ADAM10: variants seen among roughly 807,000 people sequenced by gnomAD.
ADAM10 encodes the protein disintegrin and metalloproteinase domain-containing protein 10.
In ADAM10, 17 loss-of-function variants were observed where a neutral mutation model predicts 90.1. The ratio of observed to expected loss-of-function variants is 0.19; its 90% CI spans 0.13 to 0.28. The LOEUF is 0.28. Ranked by LOEUF, ADAM10 falls within the 10% of genes least tolerant of loss-of-function variation. The probability of loss-of-function intolerance (pLI) is 1.00; values close to 1 mark genes in which losing one functional copy is unlikely to be tolerated. For missense variants in ADAM10, 610 were observed against 914.3 expected (o/e 0.67, Z 4.29); for synonymous variants, 310 against 298.6 (o/e 1.04, Z -0.40).
intron 14 of ADAM10, among the ~76,000 whole-genome samples, chr15:58,605,583 C>G (rs1464313142): frequency 1.3e-5 from 2 of 152,114 alleles, no homozygotes; most frequent in African/African-American, 4.8e-5. Flanking sequence ...GAAAAGATCA[C>G]AAATTGCCCA....
chr15:58,745,569 T>C (rs1047022980), intron 1 of ADAM10, among the ~76,000 whole-genome samples: 36 of 152,192 alleles, frequency 2.4e-4, no homozygotes, highest in African/African-American at 8.0e-4. Flanking sequence ...GTATTGTGTA[T>C]ACCATGTTCT....
intron 13 of ADAM10, 168 bp downstream of exon 13, chr15:58,610,831 C>A (rs1895418365): frequency 3.0e-6 from 2 of 668,118 alleles, no homozygotes; most frequent in Admixed American, 5.0e-5. Context: ...TTGTAGAGAC[C>A]ATAATAATAG....
chr15:58,614,086 T>C (rs1305301140), intron 11 of ADAM10, among the ~76,000 whole-genome samples: 2 of 152,084 alleles, frequency 1.3e-5, no homozygotes, highest in African/African-American at 4.8e-5. Context: ...AGCAGGTGGA[T>C]CACTTGTCAG....
chr15:58,698,928 C>T (rs1295059838), intron 2 of ADAM10, among the ~76,000 whole-genome samples: 2 of 152,088 alleles, frequency 1.3e-5, no homozygotes, highest in African/African-American at 4.8e-5. Context: ...TTTTGACACC[C>T]AGATATAGGA....
chr15:58,722,606 T>C (rs1702157758), intron 1 of ADAM10, among the ~76,000 whole-genome samples: 1 of 151,136 alleles, frequency 6.6e-6, no homozygotes, highest in South Asian at 2.1e-4. Flanking sequence ...TGCTCATGAG[T>C]GTCAGTTCCC....
chr15:58,659,481 C>A (rs979456386), intron 5 of ADAM10, among the ~76,000 whole-genome samples: 1 of 152,032 alleles, frequency 6.6e-6, no homozygotes, highest in African/African-American at 2.4e-5. Flanking sequence ...AGAGGGGTTT[C>A]ATCCTTTATT....
chr15:58,623,410 G>T (rs1895846532), intron 10 of ADAM10, among the ~76,000 whole-genome samples: 1 of 152,174 alleles, frequency 6.6e-6, no homozygotes, highest in Admixed American at 6.5e-5. Flanking sequence ...TGGCCTAGAT[G>T]AAAGCAGAAA....
At chr15:58,599,018 G>C (rs535679232) in intron 15 of ADAM10, among the ~76,000 whole-genome samples, 1 of 152,188 alleles carries the variant, frequency 6.6e-6, no homozygotes, top group African/African-American at 2.4e-5. Context: ...TATTTCAAGA[G>C]CACAAACACT....
At chr15:58,664,125 T>G (rs1897026592) in intron 5 of ADAM10, among the ~76,000 whole-genome samples, 1 of 152,048 alleles carries the variant, frequency 6.6e-6, no homozygotes, top group African/African-American at 2.4e-5. Flanking sequence ...TCCTCCTGCT[T>G]GGAATAGTCT....
At position 58,593,923 on chromosome 15, in the gene ADAM10, A is replaced by C. The variant is rs1324346528; in HGVS notation, c.*3624T>G. The C allele has an allele frequency of 6.6e-6, 1 of 152,246 alleles. No homozygotes were observed. The highest frequency in any genetic ancestry group is 1.9e-4 in the East Asian group (1 of 5,206). 9.4% of individuals were successfully genotyped at this position (152,246 alleles called of 1,614,324 possible). ...TAATCATATAAAGAGTTGAATACAGAAACAATAGTGAAAAAACTAAACTGG... is the reference window on the plus strand; with the variant it reads ...TAATCATATAAAGAGTTGAATACAGCAACAATAGTGAAAAAACTAAACTGG... On this transcript the variant is annotated 3_prime_UTR_variant, in exon 16 of 16. Transcript: ENST00000260408.
chr15:58,665,445 A>C (rs1245277036), intron 4 of ADAM10, among the ~76,000 whole-genome samples: 1 of 152,126 alleles, frequency 6.6e-6, no homozygotes, highest in African/African-American at 2.4e-5. Context: ...ATTCTAAAAA[A>C]GGGCAATAAC....
chr15:58,633,371 C>A lies in ADAM10; in HGVS notation c.1013-12G>T, dbSNP rs745856485. ...TCCTCCAGAGCTTCCTAATCCAGAA[C>A]AAAAAAATGGCTAAATTAGTATCTG... is the stretch of plus-strand genomic sequence containing the variant. On this transcript the variant is annotated splice_polypyrimidine_tract_variant and intron_variant, in intron 8 of 15. Transcript: ENST00000260408. The A allele has an allele frequency of 1.9e-6, 3 of 1,611,824 alleles. No individual in the cohort carries two copies. Among genetic ancestry groups the A allele is most frequent in the Non-Finnish European group, 2.5e-6 (3 of 1,178,806 alleles).
intron 11 of ADAM10, 70 bp from the exon 12 acceptor site, chr15:58,612,061 A>G (rs1895454865): frequency 2.1e-6 from 3 of 1,414,268 alleles, no homozygotes; most frequent in Admixed American, 1.8e-5. Flanking sequence ...TAGATATTAG[A>G]TTAGATCCAC....
At chr15:58,737,677 C>T (rs1899475645) in intron 1 of ADAM10, among the ~76,000 whole-genome samples, 2 of 152,152 alleles carry the variant, frequency 1.3e-5, no homozygotes, top group Admixed American at 1.3e-4. Context: ...CAAATGCCAG[C>T]CATTGTGATT....
chr15:58,675,328 T>C (rs867850710), intron 4 of ADAM10, among the ~76,000 whole-genome samples: 7 of 152,232 alleles, frequency 4.6e-5, no homozygotes, highest in Non-Finnish European at 1.0e-4. Flanking sequence ...ATTTGGAGAT[T>C]AAGTATTTCT....
chr15:58,709,186 C>T (rs1342065748), intron 2 of ADAM10, among the ~76,000 whole-genome samples: 1 of 152,084 alleles, frequency 6.6e-6, no homozygotes, highest in Non-Finnish European at 1.5e-5. Flanking sequence ...ATCCTTGCTG[C>T]ACCTTTAAGA....
chr15:58,610,879 A>G, intron 13 of ADAM10, 120 bp downstream of exon 13: 1 of 779,220 alleles, frequency 1.3e-6, no homozygotes, highest in Non-Finnish European at 2.3e-6. Flanking sequence ...TCTCCTCAAG[A>G]GGACAGATTT....
chr15:58,743,687 C>G (rs1389549313), intron 1 of ADAM10, among the ~76,000 whole-genome samples: 1 of 152,172 alleles, frequency 6.6e-6, no homozygotes, highest in East Asian at 1.9e-4. Flanking sequence ...TCACTGCAAC[C>G]TCCACCTCCC....
chr15:58,739,223 TG>T (rs1206719216), intron 1 of ADAM10, among the ~76,000 whole-genome samples: 2 of 151,982 alleles, frequency 1.3e-5, no homozygotes, highest in Non-Finnish European at 2.9e-5. Context: ...TCTTAAATTT[TG>T]GGCCGGGCGC....
Sources: allele counts gnomAD v4.1 joint callset (sites outside exome capture counted in the v4.1 genomes callset), GRCh38; gene constraint gnomAD v4.1.1; transcripts MANE v1.5; gene names NCBI Gene and HGNC (gene_info 2026-07-23, HGNC 2026-07-21).